STK33: variants seen among roughly 807,000 people sequenced by gnomAD.
STK33 encodes serine/threonine kinase 33.
A neutral mutation model predicts 58.0 loss-of-function variants in STK33; 52 were observed. That is an observed-to-expected ratio of 0.90 (90% CI 0.72 to 1.13). STK33 has a LOEUF of 1.13. Ranked by LOEUF, STK33 falls within the 50% of genes most tolerant of loss-of-function variation. The probability of loss-of-function intolerance (pLI) is 0.00; values close to 1 mark genes in which losing one functional copy is unlikely to be tolerated. For missense variants in STK33, 630 were observed against 604.2 expected (o/e 1.04, Z -0.45); for synonymous variants, 215 against 200.1 (o/e 1.07, Z -0.63).
chr11:8,414,050 A>G (rs1164222149), intron 14 of STK33, among the ~76,000 whole-genome samples: 1 of 152,194 alleles, frequency 6.6e-6, no homozygotes, highest in East Asian at 1.9e-4. Context: ...AAAGAACTAA[A>G]GAAGTTGCCC....
chr11:8,459,265 C>T (rs1341664227), intron 8 of STK33, among the ~76,000 whole-genome samples: 1 of 152,146 alleles, frequency 6.6e-6, no homozygotes, highest in East Asian at 1.9e-4. Context: ...AGTACCATGG[C>T]ACAACCAATC....
At chr11:8,400,399 G>T (rs1436999416) in intron 15 of STK33, among the ~76,000 whole-genome samples, 3 of 152,094 alleles carry the variant, frequency 2.0e-5, no homozygotes, top group Admixed American at 6.5e-5. Context: ...TGCAGAAAAG[G>T]CCTTTGACAA....
the STK33 span, among the ~76,000 whole-genome samples, chr11:8,378,035 A>C: frequency 6.6e-6 from 1 of 152,244 alleles, no homozygotes; most frequent in Non-Finnish European, 1.5e-5. Context: ...TGCCTGTATT[A>C]GTCCATTCTT....
chr11:8,415,774 A>G lies in STK33; in HGVS notation c.1147-2082T>C, dbSNP rs189244237. 2.6e-5 allele frequency among the ~76,000 whole-genome samples: 4 copies of G among 152,166 alleles called. No individual in the cohort carries two copies. The East Asian group carries it at 7.7e-4, about 29-fold the overall frequency. On this transcript the variant is annotated intron_variant, in intron 14 of 15. Transcript: ENST00000687296. ...CCAACAAAATTATAATTACTACAGA[A>G]CTCATATGCAACCAATATGATGTGA...
intron 1 of STK33, among the ~76,000 whole-genome samples, chr11:8,492,585 C>T (rs1262377686): frequency 6.6e-6 from 1 of 152,160 alleles, no homozygotes; most frequent in African/African-American, 2.4e-5. Context: ...CTCAGCTGTG[C>T]ACCAAGCCAA....
chr11:8,418,613 T>C (rs118116408), intron 14 of STK33, among the ~76,000 whole-genome samples: 4 of 152,310 alleles, frequency 2.6e-5, no homozygotes, highest in Non-Finnish European at 4.4e-5. Context: ...AGTAATGGGA[T>C]TGCTGAGATA....
Position 8,429,866 on chromosome 11 carries a change from C to T in STK33, c.1146+5628G>A, listed in dbSNP as rs140139392. On this transcript the variant is annotated intron_variant, in intron 14 of 15. Transcript: ENST00000687296. ...ACCTGCTCCCTCAAGACCTTCAACT[C>T]CAATTTATTCCTAGGGCTCTTCCTA... Among the ~76,000 whole-genome samples, 265 of 152,290 alleles carry T rather than the reference C, an allele frequency of 1.7e-3. 3 individuals are homozygous for T. The highest frequency in any genetic ancestry group is 6.2e-3 in the African/African-American group (258 of 41,552).
chr11:8,490,965 A>C (rs1950566403), intron 1 of STK33, among the ~76,000 whole-genome samples: 1 of 152,228 alleles, frequency 6.6e-6, no homozygotes, highest in African/African-American at 2.4e-5. Context: ...AAAGGTAGAT[A>C]AAAACCACAA....
At chr11:8,536,928 T>G (rs1345806662) in intron 1 of STK33, among the ~76,000 whole-genome samples, 2 of 121,340 alleles carry the variant, frequency 1.6e-5, no homozygotes, top group Admixed American at 9.9e-5. Context: ...ACTATAGGCA[T>G]GCACTGCCAT....
At chr11:8,427,390 T>C (rs1942899814) in intron 14 of STK33, among the ~76,000 whole-genome samples, 1 of 152,178 alleles carries the variant, frequency 6.6e-6, no homozygotes, top group African/African-American at 2.4e-5. Context: ...TGGGAGCTTT[T>C]AGAATTTTTC....
intron 14 of STK33, among the ~76,000 whole-genome samples, chr11:8,423,338 T>G (rs1384535343): frequency 6.6e-6 from 1 of 151,996 alleles, no homozygotes; most frequent in African/African-American, 2.4e-5. Context: ...TAGATATCAT[T>G]AATTTTCTGT....
At position 8,579,226 on chromosome 11, in the gene STK33, T is replaced by C. The variant is rs541426184; in HGVS notation, c.-466+14857A>G. 2.0e-5 allele frequency among the ~76,000 whole-genome samples: 3 copies of C among 152,062 alleles called. No homozygotes were observed. In the East Asian group the frequency reaches 5.8e-4, roughly 29 times the overall value. On this transcript the variant is annotated intron_variant, in intron 1 of 15. Transcript: ENST00000687296. ...TTTTGTGAGCAATTAGGAACCATCA[T>C]ACATTTGGTATAGGTTTTTTATTAA...
chr11:8,573,565 C>T (rs549203974), intron 1 of STK33, among the ~76,000 whole-genome samples: 1 of 152,280 alleles, frequency 6.6e-6, no homozygotes, highest in African/African-American at 2.4e-5. Flanking sequence ...ATGACCCAGT[C>T]GTTGTACTCT....
the STK33 span, among the ~76,000 whole-genome samples, chr11:8,365,595 T>C: frequency 0.12 from 18,353 of 152,032 alleles, 1,217 homozygotes; most frequent in African/African-American, 0.17. Flanking sequence ...CTGAATCCTA[T>C]TCCTTGGATC....
At chr11:8,436,589 G>T (rs900755229) in intron 12 of STK33, among the ~76,000 whole-genome samples, 9 of 152,078 alleles carry the variant, frequency 5.9e-5, no homozygotes, top group Non-Finnish European at 1.5e-5. Flanking sequence ...GAGTTATCAG[G>T]GTCTAACTAG....
downstream of STK33, among the ~76,000 whole-genome samples, chr11:8,390,848 A>G (rs555175797): frequency 6.6e-6 from 1 of 152,178 alleles, no homozygotes; most frequent in Non-Finnish European, 1.5e-5. Flanking sequence ...AGAAGTGTGG[A>G]TAGTACTCTA....
chr11:8,411,116 A>T (rs1940163031), intron 15 of STK33, among the ~76,000 whole-genome samples: 1 of 152,244 alleles, frequency 6.6e-6, no homozygotes, highest in South Asian at 2.1e-4. Flanking sequence ...GCAGGAGTGA[A>T]AGTCAAGTCT....
chr11:8,476,392 G>A (rs563392910), intron 4 of STK33, among the ~76,000 whole-genome samples: 3 of 152,302 alleles, frequency 2.0e-5, no homozygotes, highest in East Asian at 3.9e-4. Context: ...AAACAGAAAT[G>A]ACAAAGAAAT....
At chr11:8,592,256 T>A (rs1485922218) in intron 1 of STK33, among the ~76,000 whole-genome samples, 1 of 152,142 alleles carries the variant, frequency 6.6e-6, no homozygotes, top group Non-Finnish European at 1.5e-5. Flanking sequence ...CCCAGCATAG[T>A]GGTTCCTGCC....
Sources: gnomAD v4.1 joint callset for allele counts (sites outside exome capture counted in the v4.1 genomes callset) on GRCh38, gnomAD v4.1.1 for gene constraint, MANE v1.5 for transcripts, NCBI Gene and HGNC (gene_info 2026-07-23, HGNC 2026-07-21) for gene names.